The following MPHOSPH9 variants were observed in gnomAD, a reference collection of about 807,000 sequenced individuals.
MPHOSPH9 encodes M-phase phosphoprotein 9.
In MPHOSPH9, 88 loss-of-function variants were observed where a neutral mutation model predicts 145.5. The ratio of observed to expected loss-of-function variants is 0.60; its 90% CI spans 0.51 to 0.72. The LOEUF is 0.72. Among genes scored for constraint, MPHOSPH9 ranks in the 30% least tolerant of loss-of-function variants. The probability of loss-of-function intolerance (pLI) is 0.00; values close to 1 mark genes in which losing one functional copy is unlikely to be tolerated. For synonymous variants in MPHOSPH9, 435 were observed against 486.2 expected (o/e 0.89, Z 1.39); for missense variants, 1,238 against 1,386.6 (o/e 0.89, Z 1.70).
intron 14 of MPHOSPH9, among the ~76,000 whole-genome samples, chr12:123,180,465 A>G (rs924305301): frequency 2.6e-5 from 4 of 152,226 alleles, no homozygotes; most frequent in Non-Finnish European, 5.9e-5. Flanking sequence ...GAAGGGTTTT[A>G]CTGAATGCAA....
chr12:123,195,062 A>G (rs1450515463), intron 12 of MPHOSPH9, among the ~76,000 whole-genome samples: 2 of 152,238 alleles, frequency 1.3e-5, no homozygotes, highest in Non-Finnish European at 2.9e-5. Context: ...CAGAAAGAAT[A>G]GTTCTACTGG....
chr12:123,210,726 A>AT (rs1163939769), intron 7 of MPHOSPH9, among the ~76,000 whole-genome samples: 1 of 151,034 alleles, frequency 6.6e-6, no homozygotes, highest in Non-Finnish European at 1.5e-5. Flanking sequence ...AATAAAATAA[A>AT]TTTTTTTATT....
intron 5 of MPHOSPH9, among the ~76,000 whole-genome samples, chr12:123,220,051 G>A (rs1716178): frequency 0.55 from 82,786 of 151,788 alleles, 27,165 homozygotes; most frequent in Non-Finnish European, 0.71. Flanking sequence ...AAAATTAGCC[G>A]GACGTGGCGG....
intron 13 of MPHOSPH9, among the ~76,000 whole-genome samples, chr12:123,186,207 A>G (rs946494802): frequency 2.8e-5 from 4 of 142,736 alleles, no homozygotes; most frequent in African/African-American, 5.3e-5. Flanking sequence ...AGCCTGGGCA[A>G]TAAGAGCAAA....
intron 13 of MPHOSPH9, among the ~76,000 whole-genome samples, chr12:123,185,582 A>C (rs1055296991): frequency 6.6e-6 from 1 of 152,086 alleles, no homozygotes; most frequent in African/African-American, 2.4e-5. Flanking sequence ...CATCTCTACA[A>C]AAAAATAAAA....
At position 123,169,982 on chromosome 12, in the gene MPHOSPH9, C is replaced by CT. The variant is rs1251368308; in HGVS notation, c.2457-3194dup. ...TGTATTAATACACATTTTTAAATGT[C>CT]TTTTTTTTTTTTTGAGACAGGGTTT... On this transcript the variant is annotated intron_variant, in intron 16 of 23. Coordinates refer to ENST00000606320, the MANE Select transcript of MPHOSPH9 (RefSeq NM_022782.4). 2.7e-3 allele frequency among the ~76,000 whole-genome samples: 380 copies of CT among 140,920 alleles called. 4 individuals carry two copies. Among genetic ancestry groups the CT allele is most frequent in the East Asian group, 0.015 (74 of 4,812 alleles). 92.4% of individuals were successfully genotyped at this position (140,920 alleles called of 152,430 possible).
intron 11 of MPHOSPH9, among the ~76,000 whole-genome samples, chr12:123,201,599 T>C (rs2046223670): frequency 1.3e-5 from 2 of 152,006 alleles, no homozygotes; most frequent in East Asian, 1.9e-4. Context: ...AGGCTGGTCT[T>C]GAACTCCTGA....
intron 12 of MPHOSPH9, among the ~76,000 whole-genome samples, chr12:123,196,014 G>A (rs1389660280): frequency 6.6e-6 from 1 of 150,518 alleles, no homozygotes; most frequent in Non-Finnish European, 1.5e-5. Context: ...TAGCCTGGGC[G>A]ATGGAGTGAG....
At chr12:123,232,633 T>A (rs1052918255) in intron 1 of MPHOSPH9, among the ~76,000 whole-genome samples, 2 of 152,030 alleles carry the variant, frequency 1.3e-5, no homozygotes, top group African/African-American at 4.8e-5. Context: ...CAGCCCGCAA[T>A]GGCTGGTGGC....
At chr12:123,180,396 T>C (rs1244773476) in intron 14 of MPHOSPH9, among the ~76,000 whole-genome samples, 1 of 152,168 alleles carries the variant, frequency 6.6e-6, no homozygotes, top group Admixed American at 6.6e-5. Context: ...TGAGCTTCAA[T>C]AACCACAACC....
At chr12:123,213,803 AGAG>A (rs567308618) in intron 7 of MPHOSPH9, among the ~76,000 whole-genome samples, 7 of 152,252 alleles carry the variant, frequency 4.6e-5, no homozygotes, top group African/African-American at 1.4e-4. Context: ...CAGGGTTTGG[AGAG>A]GAGGAGTCAC....
chr12:123,173,789 GTTGT>G (rs1475838700), intron 16 of MPHOSPH9, among the ~76,000 whole-genome samples: 9 of 152,170 alleles, frequency 5.9e-5, no homozygotes, highest in Admixed American at 2.0e-4. Context: ...TCTTCAACTG[GTTGT>G]TTATTTGTAT....
In MPHOSPH9 at chr12:123,154,763, T is replaced by A. The variant is rs1211686259; in HGVS notation, c.*2044A>T. 6.6e-6 allele frequency: 1 copy of A among 152,130 alleles called. No individual in the cohort carries two copies. The highest frequency in any genetic ancestry group is 1.5e-5 in the Non-Finnish European group (1 of 68,020). The allele number at this position is 152,130 out of a possible 1,614,324, so 9.4% of individuals were successfully genotyped here. A position where few individuals can be genotyped will look rare whatever the true frequency, so the allele number is the denominator to read the frequency against. On this transcript the variant is annotated 3_prime_UTR_variant, in exon 24 of 24. Coordinates refer to ENST00000606320, the MANE Select transcript of MPHOSPH9 (RefSeq NM_022782.4). ...ACACATTAAAGGTGGTCTTACTAGG[T>A]CTTGACACAAGCTGTACTGGAGCTT... is the stretch of plus-strand genomic sequence containing the variant.
chr12:123,180,060 A>G (rs1040025626), intron 14 of MPHOSPH9, 70 bp from the exon 15 acceptor site: 12 of 842,260 alleles, frequency 1.4e-5, no homozygotes, highest in Admixed American at 1.1e-4. Context: ...AAAATGCATA[A>G]AAGAAAATGA....
intron 18 of MPHOSPH9, 91 bp downstream of exon 18, chr12:123,165,211 T>C: frequency 7.8e-7 from 1 of 1,277,396 alleles, no homozygotes; most frequent in Non-Finnish European, 1.1e-6. Context: ...AACTTTTAAT[T>C]TCATTACCTA....
At chr12:123,181,774 G>C (rs2045161569) in intron 13 of MPHOSPH9, among the ~76,000 whole-genome samples, 1 of 152,128 alleles carries the variant, frequency 6.6e-6, no homozygotes, top group African/African-American at 2.4e-5. Flanking sequence ...TACAGACTCA[G>C]GAGGCTCACT....
intron 1 of MPHOSPH9, among the ~76,000 whole-genome samples, chr12:123,239,997 T>G (rs2047906150): frequency 6.6e-6 from 1 of 152,108 alleles, no homozygotes; most frequent in African/African-American, 2.4e-5. Flanking sequence ...CATCCTTGTT[T>G]AAAGCACTTA....
At chr12:123,228,983 T>G (rs951572921) in intron 2 of MPHOSPH9, among the ~76,000 whole-genome samples, 4 of 152,236 alleles carry the variant, frequency 2.6e-5, no homozygotes, top group African/African-American at 9.6e-5. Context: ...CCATTTCCTG[T>G]GCCTTTTAAA....
intron 13 of MPHOSPH9, among the ~76,000 whole-genome samples, chr12:123,181,572 C>A (rs75107079): frequency 6.7e-6 from 1 of 149,736 alleles, no homozygotes; most frequent in Non-Finnish European, 1.5e-5. Flanking sequence ...AAAAAAAAAA[C>A]AAAAGCTGGG....
Sources: allele counts gnomAD v4.1 joint callset (sites outside exome capture counted in the v4.1 genomes callset), GRCh38; gene constraint gnomAD v4.1.1; transcripts MANE v1.5; gene names NCBI Gene and HGNC (gene_info 2026-07-23, HGNC 2026-07-21).